The following CES3 variants were observed in gnomAD, a reference collection of about 807,000 sequenced individuals.
CES3 encodes carboxylesterase 3, also known as carboxylesterase 3 (brain).
A neutral mutation model predicts 57.6 loss-of-function variants in CES3; 49 were observed. That is an observed-to-expected ratio of 0.85 (90% CI 0.68 to 1.08). CES3 has a LOEUF of 1.08. Among genes scored for constraint, CES3 ranks in the 50% least tolerant of loss-of-function variants. The pLI, the probability that CES3 is intolerant of heterozygous loss-of-function variation, is 0.00. For missense variants in CES3, 645 were observed against 742.0 expected (o/e 0.87, Z 1.52); for synonymous variants, 266 against 281.6 (o/e 0.94, Z 0.55).
rs960577194 is a variant in CES3, at chr16:66,963,856, G to A, written c.481G>A (p.Asp161Asn). 16 of 1,614,050 alleles carry A rather than the reference G, an allele frequency of 9.9e-6. No homozygotes were observed. Among genetic ancestry groups the A allele is most frequent in the East Asian group, 4.5e-5 (2 of 44,892 alleles). The change falls in exon 4 of 13, where the codon GAT becomes AAT. Residue 161 changes from aspartate to asparagine, a missense_variant. Physicochemically the swap from Asp to Asn is conservative, Grantham distance 23 (BLOSUM62 1). Coordinates refer to ENST00000303334, the MANE Select transcript of CES3 (RefSeq NM_024922.6). The surrounding 1 kb of genome is among the most constrained non-coding windows in gnomAD (Gnocchi z 4.9). ...ALITGAATSY[D>N]GSALAAYGDV... ...GATAACTGGCGCTGCCACCTCCTACGATGGATCAGCTCTGGCTGCCTATGG... is the reference window on the plus strand; with the variant it reads ...GATAACTGGCGCTGCCACCTCCTACAATGGATCAGCTCTGGCTGCCTATGG...
Position 66,963,447 on chromosome 16 carries a change from T to G in CES3, c.288-44T>G. The G allele has an allele frequency of 1.2e-6, 2 of 1,609,568 alleles. No homozygotes were observed. ...GCAGGAGAATCCTGCTGCTGGGGCT[T>G]GTGGGGCTGAACAGCTGGACCTCAG... On this transcript the variant is annotated intron_variant, in intron 2 of 12. Coordinates refer to ENST00000303334, the MANE Select transcript of CES3 (RefSeq NM_024922.6). This position sits in a 1 kb window ranked among gnomAD's most constrained non-coding sequence, Gnocchi z 4.9.
rs144817489 is a variant in CES3, at chr16:66,963,840, C to T, written c.465C>T (p.Gly155=). 9.0e-5 allele frequency: 145 copies of T among 1,614,156 alleles called. No homozygotes were observed. Among genetic ancestry groups the T allele is most frequent in the Middle Eastern group, 6.6e-4 (4 of 6,062 alleles). ...VWVHGGALIT[G]AATSYDGSAL... is the part of the protein sequence containing the mutation. Reference sequence around the variant, plus strand: ...TCCATGGAGGCGCTCTGATAACTGGCGCTGCCACCTCCTACGATGGATCAG... The same window carrying T: ...TCCATGGAGGCGCTCTGATAACTGGTGCTGCCACCTCCTACGATGGATCAG... The change falls in exon 4 of 13, where the codon GGC becomes GGT. Residue 155 remains glycine (G), a synonymous_variant. Coordinates refer to ENST00000303334, the MANE Select transcript of CES3 (RefSeq NM_024922.6). This position sits in a 1 kb window ranked among gnomAD's most constrained non-coding sequence, Gnocchi z 4.9.
At chr16:66,967,700 T>TC in intron 8 of CES3, 8 of 984,138 alleles carry the variant, frequency 8.1e-6, no homozygotes, top group Non-Finnish European at 9.7e-6. Context: ...TTTTTTTTTT[T>TC]CGTCTTGGCC....
rs553084568 is a variant in CES3, at chr16:66,970,690, C to T, written c.1144-482C>T. The stretch of plus-strand genomic sequence containing the variant: ...GCTGTTGTAAGGAGACTAGACGTTG[C>T]ATTTGAAGAGTCTACCTGGGATCTC... On this transcript the variant is annotated intron_variant, in intron 9 of 12. Transcript: ENST00000303334. Among the ~76,000 whole-genome samples the T allele has an allele frequency of 1.6e-4, 24 of 152,348 alleles. No homozygotes were observed. In the East Asian group the frequency reaches 4.6e-3, roughly 29 times the overall value.
intron 8 of CES3, chr16:66,967,409 C>A: frequency 5.3e-6 from 4 of 759,870 alleles, no homozygotes; most frequent in Non-Finnish European, 6.4e-6. Flanking sequence ...CTGGGCACTG[C>A]TGATCTGGGC....
chr16:66,965,972 T>C (rs1963723875), intron 6 of CES3, among the ~76,000 whole-genome samples: 1 of 151,920 alleles, frequency 6.6e-6, no homozygotes, highest in South Asian at 2.1e-4. Flanking sequence ...ATGACACTAT[T>C]CTTAGAGGGC....
chr16:66,961,890 G>T (rs369943086), intron 1 of CES3, among the ~76,000 whole-genome samples: 36 of 152,224 alleles, frequency 2.4e-4, no homozygotes, highest in African/African-American at 7.9e-4. Context: ...GGGGGCCTGA[G>T]ATTTGTTTTA....
At chr16:66,964,265 G>A in intron 4 of CES3, 92 bp from the exon 5 acceptor site, 4 of 1,526,322 alleles carry the variant, frequency 2.6e-6, no homozygotes, top group Non-Finnish European at 3.5e-6. Context: ...AGCAGAGAAG[G>A]GTCTGGCATC....
rs995786131 is a variant in CES3 at position 66,974,963 on chromosome 16, C to T, written c.*1914C>T. 2.0e-5 allele frequency: 3 copies of T among 152,214 alleles called. No individual in the cohort carries two copies. The East Asian group carries it at 5.8e-4, about 29-fold the overall frequency. The allele number at this position is 152,214 out of a possible 1,614,324, so 9.4% of individuals were successfully genotyped here. On this transcript the variant is annotated 3_prime_UTR_variant, in exon 13 of 13. Transcript: ENST00000303334. ...GCTCAGGGATCGTAAACGCACCAAT[C>T]AGCACCCTGTCAAAACAGACCACTT...
intron 1 of CES3, among the ~76,000 whole-genome samples, chr16:66,962,539 G>A (rs992132764): frequency 2.6e-5 from 4 of 152,106 alleles, no homozygotes; most frequent in Non-Finnish European, 5.9e-5. Context: ...TGAAAGGATT[G>A]CTTGAGCCCA....
intron 7 of CES3, 51 bp from the exon 8 acceptor site, chr16:66,966,674 T>C (rs747468526): frequency 6.2e-7 from 1 of 1,611,038 alleles, no homozygotes; most frequent in Non-Finnish European, 8.5e-7. Flanking sequence ...GGTCCTAGCC[T>C]TTGAGGCTTG....
At chr16:66,971,851 A>G (rs992722851) in intron 10 of CES3, among the ~76,000 whole-genome samples, 2 of 152,168 alleles carry the variant, frequency 1.3e-5, no homozygotes, top group Non-Finnish European at 2.9e-5. Context: ...AAATGATGAC[A>G]CTGGCCAGGC....
chr16:66,973,219 C>T lies in CES3; in HGVS notation c.*170C>T. The T allele has an allele frequency of 3.2e-6, 2 of 631,276 alleles. No homozygotes were observed. The highest frequency in any genetic ancestry group is 5.5e-6 in the Non-Finnish European group (2 of 363,938). 39.1% of individuals were successfully genotyped at this position (631,276 alleles called of 1,614,324 possible). ...CTCTTTTGAAATGTCACAAGGCCGC[C>T]TCCCACCTCTGGGGCATTGTACAAG... On this transcript the variant is annotated 3_prime_UTR_variant, in exon 13 of 13. Transcript: ENST00000303334.
chr16:66,969,726 G>A lies in CES3; in HGVS notation c.1110G>A (p.Met370Ile), dbSNP rs1187251657. The change falls in exon 9 of 13, where the codon ATG becomes ATA. Residue 370 changes from methionine to isoleucine, a missense_variant. Transcript: ENST00000303334. Reference protein sequence around the residue: ...DTMEQMSREDMLAISTPVLTS... With the variant: ...DTMEQMSREDILAISTPVLTS... The stretch of plus-strand genomic sequence containing the variant: ...TGGAGCAGATGAGCCGGGAGGACAT[G>A]CTGGCCATCTCAACACCCGTCTTGA... The A allele has an allele frequency of 6.2e-7, 1 of 1,613,360 alleles. No individual in the cohort carries two copies. The highest frequency in any genetic ancestry group is 8.5e-7 in the Non-Finnish European group (1 of 1,179,716).
In CES3 at chr16:66,967,511, C is replaced by T. The variant is rs181249881; in HGVS notation, c.1062+646C>T. 253 of 985,476 alleles carry T rather than the reference C, an allele frequency of 2.6e-4. 5 individuals carry two copies. In the Admixed American group the frequency reaches 0.013, roughly 52 times the overall value. The allele number at this position is 985,476 out of a possible 1,614,324, so 61.0% of individuals were successfully genotyped here. A position where few individuals can be genotyped will look rare whatever the true frequency, so the allele number is the denominator to read the frequency against. ...TGCCAGAGCAATTGACTAAAACTCT[C>T]AGGTTTTAGATATCAAGCCACCGGG... On this transcript the variant is annotated intron_variant, in intron 8 of 12. Transcript: ENST00000303334.
chr16:66,969,405 C>G lies in CES3; in HGVS notation c.1063-274C>G, dbSNP rs1378519094. On this transcript the variant is annotated intron_variant, in intron 8 of 12. Coordinates refer to ENST00000303334, the MANE Select transcript of CES3 (RefSeq NM_024922.6). ...TGGGCAACGGAGTGAGTCTCTGTCT[C>G]AAAAAAAAAATGTTGAAGAAATTTT... Among the ~76,000 whole-genome samples, 12 of 149,836 alleles carry G rather than the reference C, an allele frequency of 8.0e-5. 1 individual carries two copies. Among genetic ancestry groups the G allele is most frequent in the Non-Finnish European group, 7.4e-5 (5 of 67,256 alleles).
chr16:66,971,290 C>A lies in CES3; in HGVS notation c.1262C>A (p.Pro421His). ...ATGGGTGACGTATTCATCAATGTTC[C>A]CACCGTCAGTTTTTCAAGATACCTT... ...EFMGDVFINVPTVSFSRYLRD... is the reference protein window; with the variant it reads ...EFMGDVFINVHTVSFSRYLRD... Residue 421 changes from proline (P) to histidine (H), a missense_variant, in exon 10 of 13, where the codon CCC becomes CAC. Transcript: ENST00000303334. The A allele has an allele frequency of 6.2e-7, 1 of 1,613,992 alleles. No individual in the cohort carries two copies.
At chr16:66,961,501 A>C (rs1963651245) in intron 1 of CES3, 112 bp downstream of exon 1, 1 of 791,378 alleles carries the variant, frequency 1.3e-6, no homozygotes, top group Non-Finnish European at 2.1e-6. Flanking sequence ...GTTTGGAGGC[A>C]GACCAGGGGT....
rs1242273883 is a variant in CES3, at chr16:66,972,986, C to T, written c.1653C>T (p.Leu551=). The T allele has an allele frequency of 6.2e-7, 1 of 1,614,070 alleles. No homozygotes were observed. Among genetic ancestry groups the T allele is most frequent in the Non-Finnish European group, 8.5e-7 (1 of 1,180,026 alleles). The change falls in exon 13 of 13, where the codon CTC becomes CTT. Residue 551 remains leucine (L), a synonymous_variant. Transcript: ENST00000303334. ...EAWMQFWSET[L]PSKIQQWHQK... is the part of the protein sequence containing the mutation. ...GGATGCAGTTCTGGTCAGAGACGCT[C>T]CCCAGCAAGATACAACAGTGGCACC...
Sources: gnomAD v4.1 joint callset for allele counts (sites outside exome capture counted in the v4.1 genomes callset) on GRCh38, gnomAD v4.1.1 for gene constraint, Gnocchi (gnomAD v3.1) non-coding constraint, MANE v1.5 for transcripts, NCBI Gene and HGNC (gene_info 2026-07-23, HGNC 2026-07-21) for gene names.